Variants in RAP1GDS1 observed in about 807,000 individuals in gnomAD.
RAP1GDS1 encodes the protein Rap1 GTPase-GDP dissociation stimulator 1, also known as RAP1, GTP-GDP dissociation stimulator 1.
A neutral mutation model predicts 71.1 loss-of-function variants in RAP1GDS1; 35 were observed. The observed-to-expected ratio is 0.49, with a 90% CI of 0.38 to 0.65. RAP1GDS1 has a LOEUF of 0.65. RAP1GDS1 is among the 30% of genes least tolerant of loss of function. RAP1GDS1 has a pLI of 0.00. For synonymous variants in RAP1GDS1, 229 were observed against 243.1 expected (o/e 0.94, Z 0.54); for missense variants, 663 against 706.1 (o/e 0.94, Z 0.69).
chr4:98,307,637 G>T (rs75161410), intron 2 of RAP1GDS1, among the ~76,000 whole-genome samples: 1 of 151,964 alleles, frequency 6.6e-6, no homozygotes, highest in Non-Finnish European at 1.5e-5. Flanking sequence ...TTGTTGTTGC[G>T]TATGGATTTT....
intron 12 of RAP1GDS1, among the ~76,000 whole-genome samples, chr4:98,421,750 C>A (rs1287788298): frequency 6.6e-6 from 1 of 152,076 alleles, no homozygotes; most frequent in African/African-American, 2.4e-5. Context: ...GAAAAAAATC[C>A]ATTCTTGTGG....
At chr4:98,364,664 G>A (rs777377374) in intron 4 of RAP1GDS1, among the ~76,000 whole-genome samples, 1 of 151,774 alleles carries the variant, frequency 6.6e-6, no homozygotes, top group Non-Finnish European at 1.5e-5. Context: ...ACATAGAGTA[G>A]AACCAAGTGA....
In RAP1GDS1 at chr4:98,443,335, T is replaced by C. The variant is rs1053817591; in HGVS notation, c.*1218T>C. On this transcript the variant is annotated 3_prime_UTR_variant, in exon 15 of 15. Transcript: ENST00000408927. ...AGATGAGAAGACCCCCTTGGCGAAATATAGTGTACTCTTCACTGCCACTGC... is the reference window on the plus strand; with the variant it reads ...AGATGAGAAGACCCCCTTGGCGAAACATAGTGTACTCTTCACTGCCACTGC... The C allele has an allele frequency of 3.5e-5, 8 of 231,440 alleles. No homozygotes were observed. Among genetic ancestry groups the C allele is most frequent in the Admixed American group, 1.7e-4 (3 of 17,684 alleles). The allele number at this position is 231,440 out of a possible 1,614,324, so 14.3% of individuals were successfully genotyped here.
At chr4:98,396,207 A>G (rs1331083778) in intron 6 of RAP1GDS1, 2 of 152,278 alleles carry the variant, frequency 1.3e-5, no homozygotes, top group Non-Finnish European at 2.9e-5. Context: ...AATATTGGAA[A>G]TTACGTTTCA....
At chr4:98,299,141 A>G (rs1728207832) in intron 2 of RAP1GDS1, among the ~76,000 whole-genome samples, 1 of 152,226 alleles carries the variant, frequency 6.6e-6, no homozygotes, top group East Asian at 1.9e-4. Flanking sequence ...CCCACCTATG[A>G]GTGAGAACAT....
chr4:98,394,439 T>C (rs1386444424), intron 6 of RAP1GDS1, among the ~76,000 whole-genome samples: 1 of 151,812 alleles, frequency 6.6e-6, no homozygotes, highest in Non-Finnish European at 1.5e-5. Flanking sequence ...ACAGGAGTCT[T>C]TTTTTTTAAA....
intron 2 of RAP1GDS1, among the ~76,000 whole-genome samples, chr4:98,295,599 T>C (rs1727624968): frequency 1.3e-5 from 2 of 152,108 alleles, no homozygotes; most frequent in South Asian, 4.1e-4. Context: ...TAAGCTTATT[T>C]GCCTTGCTCT....
chr4:98,389,982 T>G (rs1743360883), intron 5 of RAP1GDS1, among the ~76,000 whole-genome samples: 1 of 152,196 alleles, frequency 6.6e-6, no homozygotes, highest in Admixed American at 6.5e-5. Context: ...TGACTCACAT[T>G]CAATGCATGC....
rs552489894 is a variant in RAP1GDS1, at chr4:98,418,643, GT to G, written c.1040-4del. ...TTTAAAGAGGAAGAAAAAGATGTGTGTTTTTTTTTTCAGATGCAAATTGTAT... is the reference window on the plus strand; with the variant it reads ...TTTAAAGAGGAAGAAAAAGATGTGTGTTTTTTTTTCAGATGCAAATTGTAT... On this transcript the variant is annotated splice_polypyrimidine_tract_variant and intron_variant, in intron 9 of 14. Coordinates refer to ENST00000408927, the MANE Select transcript of RAP1GDS1 (RefSeq NM_001100427.2). 1,008 of 1,382,972 alleles carry G rather than the reference GT, an allele frequency of 7.3e-4. 1 individual carries two copies. Among genetic ancestry groups the G allele is most frequent in the Middle Eastern group, 9.4e-4 (5 of 5,314 alleles). 85.7% of individuals were successfully genotyped at this position (1,382,972 alleles called of 1,614,324 possible).
At chr4:98,406,232 G>A (rs981881207) in intron 7 of RAP1GDS1, among the ~76,000 whole-genome samples, 1 of 152,006 alleles carries the variant, frequency 6.6e-6, no homozygotes, top group Non-Finnish European at 1.5e-5. Flanking sequence ...TACGTTAAAT[G>A]TGGCCTAAAT....
chr4:98,414,058 A>T (rs1747519132), intron 7 of RAP1GDS1, among the ~76,000 whole-genome samples: 1 of 151,368 alleles, frequency 6.6e-6, no homozygotes, highest in Admixed American at 6.6e-5. Flanking sequence ...CCACTTTTTG[A>T]TGGGGTTGTT....
At chr4:98,437,119 A>G in intron 14 of RAP1GDS1, 51 bp downstream of exon 14, 1 of 1,463,612 alleles carries the variant, frequency 6.8e-7, no homozygotes, top group Non-Finnish European at 9.0e-7. Context: ...TTCACATTAA[A>G]TATTAAATAT....
chr4:98,345,695 C>T (rs1456006527), intron 3 of RAP1GDS1, among the ~76,000 whole-genome samples: 2 of 151,952 alleles, frequency 1.3e-5, no homozygotes. Context: ...TATTTCAATC[C>T]CATATGAGAT....
chr4:98,327,163 T>G (rs942146295), intron 2 of RAP1GDS1, among the ~76,000 whole-genome samples: 11 of 152,190 alleles, frequency 7.2e-5, no homozygotes, highest in Non-Finnish European at 1.3e-4. Context: ...TTTAAAAATC[T>G]AAAGTACAGT....
intron 2 of RAP1GDS1, among the ~76,000 whole-genome samples, chr4:98,339,841 G>A (rs1471194049): frequency 2.0e-5 from 3 of 152,154 alleles, no homozygotes; most frequent in Non-Finnish European, 4.4e-5. Context: ...CAGAGAAAAG[G>A]GAATGCTTAT....
intron 5 of RAP1GDS1, among the ~76,000 whole-genome samples, chr4:98,380,248 G>A (rs1041337191): frequency 6.6e-6 from 1 of 151,722 alleles, no homozygotes; most frequent in African/African-American, 2.4e-5. Context: ...TCTGTATGAC[G>A]GTTTGGCCAA....
chr4:98,261,542 G>A lies in RAP1GDS1; in HGVS notation c.-24G>A. 6.3e-7 allele frequency: 1 copy of A among 1,597,604 alleles called. No individual in the cohort carries two copies. Among genetic ancestry groups the A allele is most frequent in the African/African-American group, 1.3e-5 (1 of 74,148 alleles). ...CCACAGACCTTCGCCTCGCCCCGCC[G>A]GTTCCTCACCCTCGGGGAGCAACAT... is the stretch of plus-strand genomic sequence containing the variant. On this transcript the variant is annotated 5_prime_UTR_variant, in exon 1 of 15. Coordinates refer to ENST00000408927, the MANE Select transcript of RAP1GDS1 (RefSeq NM_001100427.2).
In RAP1GDS1 at chr4:98,261,987, G is replaced by T. The variant is rs138006217; in HGVS notation, c.4+418G>T. Among the ~76,000 whole-genome samples, 1,485 of 152,356 alleles carry T rather than the reference G, an allele frequency of 9.7e-3. 12 individuals carry two copies. The highest frequency in any genetic ancestry group is 0.016 in the Non-Finnish European group (1,117 of 68,034). On this transcript the variant is annotated intron_variant, in intron 1 of 14. Coordinates refer to ENST00000408927, the MANE Select transcript of RAP1GDS1 (RefSeq NM_001100427.2). The stretch of plus-strand genomic sequence containing the variant: ...GCTCGGGTCCGACCACTACCACTTC[G>T]TGTAACTTCCTTCTCTGTCAGTGCG...
At chr4:98,365,007 G>GA (rs1739269516) in intron 4 of RAP1GDS1, among the ~76,000 whole-genome samples, 1 of 151,606 alleles carries the variant, frequency 6.6e-6, no homozygotes, top group Non-Finnish European at 1.5e-5. Flanking sequence ...GACAGAGCAA[G>GA]AAGACCCTGT....
Sources: gnomAD v4.1 joint callset for allele counts (sites outside exome capture counted in the v4.1 genomes callset) on GRCh38, gnomAD v4.1.1 for gene constraint, MANE v1.5 for transcripts, NCBI Gene and HGNC (gene_info 2026-07-23, HGNC 2026-07-21) for gene names.